The following PALD1 variants were observed in gnomAD, a reference collection of about 807,000 sequenced individuals.
PALD1 encodes phosphatase domain containing paladin 1.
A neutral mutation model predicts 96.0 loss-of-function variants in PALD1; 57 were observed. That is an observed-to-expected ratio of 0.59 (90% CI 0.48 to 0.74). The LOEUF is 0.74. Ranked by LOEUF, PALD1 falls within the 30% of genes least tolerant of loss-of-function variation. The pLI, the probability that PALD1 is intolerant of heterozygous loss-of-function variation, is 0.00. For missense variants in PALD1, 1,063 were observed against 1,143.7 expected, an observed-to-expected ratio of 0.93 and a Z score of 1.02; for synonymous variants, 464 against 473.6, an observed-to-expected ratio of 0.98 and a Z score of 0.26.
At chr10:70,516,193 C>T (rs1038611961) in intron 1 of PALD1, among the ~76,000 whole-genome samples, 4 of 152,094 alleles carry the variant, frequency 2.6e-5, no homozygotes, top group African/African-American at 7.2e-5. Context: ...TGCAGTGGTG[C>T]GATCTCAGCT....
At chr10:70,525,552 A>T (rs1846840504) in intron 1 of PALD1, among the ~76,000 whole-genome samples, 1 of 151,810 alleles carries the variant, frequency 6.6e-6, no homozygotes, top group African/African-American at 2.4e-5. Context: ...CTAGCCTGAA[A>T]GGTCTGGCCT....
the PALD1 span, among the ~76,000 whole-genome samples, chr10:70,470,569 TA>T: frequency 6.3e-5 from 9 of 142,454 alleles, no homozygotes; most frequent in Admixed American, 6.9e-5. Flanking sequence ...ATATAATAAA[TA>T]ATATTATTTT....
At chr10:70,560,240 G>T (rs895115725) in intron 18 of PALD1, among the ~76,000 whole-genome samples, 22 of 152,108 alleles carry the variant, frequency 1.4e-4, no homozygotes. Context: ...GAGGGAACCC[G>T]ACCAGGCAGG....
chr10:70,474,356 T>C (rs1039973868), upstream of PALD1, among the ~76,000 whole-genome samples: 1 of 151,822 alleles, frequency 6.6e-6, no homozygotes. Flanking sequence ...AGGTCAGGAG[T>C]TTGAGACCAG....
At position 70,537,924 on chromosome 10, in the gene PALD1, C is replaced by T; in HGVS notation, c.1323+18C>T. ...ATGAGCAGGTGGGGCCTGGGAGGAG[C>T]AGACCCACGTCCCCTCCTCCTGGGC... is the stretch of plus-strand genomic sequence containing the variant. On this transcript the variant is annotated intron_variant, in intron 11 of 19. Transcript: ENST00000263563. The T allele has an allele frequency of 6.6e-7, 1 of 1,518,302 alleles. No individual in the cohort carries two copies. The highest frequency in any genetic ancestry group is 9.1e-7 in the Non-Finnish European group (1 of 1,093,228). The allele number at this position is 1,518,302 out of a possible 1,614,324, so 94.1% of individuals were successfully genotyped here.
At chr10:70,525,175 A>ATTTT (rs35568945) in intron 1 of PALD1, among the ~76,000 whole-genome samples, 4 of 137,142 alleles carry the variant, frequency 2.9e-5, no homozygotes, top group African/African-American at 1.1e-4. Context: ...CTAATTTTGT[A>ATTTT]TTTTTTTTTT....
upstream of PALD1, among the ~76,000 whole-genome samples, chr10:70,476,825 G>A (rs375011890): frequency 9.9e-5 from 15 of 152,282 alleles, no homozygotes; most frequent in African/African-American, 3.1e-4. Context: ...CTGGGAGCTA[G>A]AGAGGCACAC....
At chr10:70,551,555 T>C (rs1404240634) in intron 18 of PALD1, among the ~76,000 whole-genome samples, 1 of 152,140 alleles carries the variant, frequency 6.6e-6, no homozygotes, top group Non-Finnish European at 1.5e-5. Flanking sequence ...ATCCTGAAAT[T>C]CAACAGCATG....
At chr10:70,477,861 G>C (rs1210981587), upstream of PALD1, among the ~76,000 whole-genome samples, 5 of 152,252 alleles carry the variant, frequency 3.3e-5, no homozygotes, top group East Asian at 7.8e-4. Context: ...GTGGAGCAGC[G>C]AGAGGGAGGA....
At chr10:70,564,581 A>C (rs1235939983) in intron 19 of PALD1, 62 bp downstream of exon 19, 112 of 1,530,982 alleles carry the variant, frequency 7.3e-5, no homozygotes, top group African/African-American at 1.4e-5. Context: ...GAGCTGGGTC[A>C]CAGCCACTCA....
chr10:70,546,802 T>C lies in PALD1; in HGVS notation c.2122-504T>C, dbSNP rs560287967. ...CCGTTTCTACTAAAAGTACAAGATA[T>C]TAGCCAGGCGTGGTGGCATGGGCCT... is the stretch of plus-strand genomic sequence containing the variant. On this transcript the variant is annotated intron_variant, in intron 17 of 19. Coordinates refer to ENST00000263563, the MANE Select transcript of PALD1 (RefSeq NM_014431.3). Among the ~76,000 whole-genome samples, 17 of 152,286 alleles carry C rather than the reference T, an allele frequency of 1.1e-4. No homozygotes were observed. In the South Asian group the frequency reaches 1.4e-3, roughly 13 times the overall value.
In PALD1 at chr10:70,504,601, A is replaced by G. The variant is rs116804520; in HGVS notation, c.-29-21322A>G. 4.5e-3 allele frequency among the ~76,000 whole-genome samples: 686 copies of G among 152,356 alleles called. 8 individuals are homozygous for G. The highest frequency in any genetic ancestry group is 0.016 in the African/African-American group (671 of 41,584). On this transcript the variant is annotated intron_variant, in intron 1 of 19. Coordinates refer to ENST00000263563, the MANE Select transcript of PALD1 (RefSeq NM_014431.3). Reference sequence around the variant, plus strand: ...TTATGTGGTAACATAAATAAAATCTATTATTTTTCCTGGAAAATAACTGTA... The same window carrying G: ...TTATGTGGTAACATAAATAAAATCTGTTATTTTTCCTGGAAAATAACTGTA...
chr10:70,527,829 G>A (rs1012696198), intron 2 of PALD1, among the ~76,000 whole-genome samples: 4 of 152,118 alleles, frequency 2.6e-5, no homozygotes, highest in African/African-American at 9.6e-5. Flanking sequence ...TGTGCACAAC[G>A]TGCATGTCCA....
At position 70,528,155 on chromosome 10, in the gene PALD1, G is replaced by C. The variant is rs141499970; in HGVS notation, c.186-1074G>C. On this transcript the variant is annotated intron_variant, in intron 2 of 19. Coordinates refer to ENST00000263563, the MANE Select transcript of PALD1 (RefSeq NM_014431.3). ...ATAGTATTCCATGGTGTATATGAAG[G>C]CACTTCTTTTGTCAAGAGGACCTAA... 9.3e-3 allele frequency among the ~76,000 whole-genome samples: 1,418 copies of C among 152,244 alleles called. 29 individuals carry two copies. Among genetic ancestry groups the C allele is most frequent in the African/African-American group, 0.033 (1,360 of 41,528 alleles).
At chr10:70,538,791 C>T (rs1025739806) in intron 12 of PALD1, 101 bp from the exon 13 acceptor site, 6 of 960,390 alleles carry the variant, frequency 6.2e-6, no homozygotes, top group East Asian at 2.4e-5. Context: ...CTGTGAAGCT[C>T]GGGTTCCACC....
rs116423407 is a variant in PALD1 at position 70,513,668 on chromosome 10, A to G, written c.-29-12255A>G. Among the ~76,000 whole-genome samples the G allele has an allele frequency of 8.7e-3, 1,324 of 152,330 alleles. 16 individuals carry two copies. The highest frequency in any genetic ancestry group is 0.03 in the African/African-American group (1,244 of 41,558). On this transcript the variant is annotated intron_variant, in intron 1 of 19. Transcript: ENST00000263563. ...GCCTGTATTTCCTAAGAACAAGGGC[A>G]TTCTCCTTTTAGCCACAATCTGAGG...
At chr10:70,513,049 G>T (rs867452564) in intron 1 of PALD1, among the ~76,000 whole-genome samples, 18 of 152,350 alleles carry the variant, frequency 1.2e-4, no homozygotes, top group African/African-American at 4.1e-4. Flanking sequence ...TCTCCCTCCA[G>T]TGAGGATGAA....
At chr10:70,479,481 A>G (rs942091586) in intron 1 of PALD1, among the ~76,000 whole-genome samples, 3 of 152,184 alleles carry the variant, frequency 2.0e-5, no homozygotes, top group African/African-American at 7.2e-5. Context: ...CAGACCCAGG[A>G]CGAGTCCAGA....
intron 1 of PALD1, among the ~76,000 whole-genome samples, chr10:70,504,964 T>C (rs1199579760): frequency 3.9e-5 from 6 of 152,256 alleles, no homozygotes; most frequent in African/African-American, 1.4e-4. Flanking sequence ...TAAGATCCAC[T>C]GGACTGTGTT....
Sources: gnomAD v4.1 joint callset for allele counts (sites outside exome capture counted in the v4.1 genomes callset) on GRCh38, gnomAD v4.1.1 for gene constraint, MANE v1.5 for transcripts, NCBI Gene and HGNC (gene_info 2026-07-23, HGNC 2026-07-21) for gene names.